The following IGFBP7 variants were observed in gnomAD, a reference collection of about 807,000 sequenced individuals.
The protein encoded by IGFBP7 is insulin like growth factor binding protein 7.
In IGFBP7, 31 loss-of-function variants were observed where a neutral mutation model predicts 29.4. That is an observed-to-expected ratio of 1.05 (90% CI 0.79 to 1.42). The LOEUF is 1.42. IGFBP7 is among the 40% of genes most tolerant of loss of function. The pLI, the probability that IGFBP7 is intolerant of heterozygous loss-of-function variation, is 0.00. For missense variants in IGFBP7, 393 were observed against 395.5 expected (o/e 0.99, Z 0.05); for synonymous variants, 172 against 174.9 (o/e 0.98, Z 0.13).
At chr4:57,044,184 T>C (rs1724302151) in intron 1 of IGFBP7, among the ~76,000 whole-genome samples, 1 of 152,176 alleles carries the variant, frequency 6.6e-6, no homozygotes, top group African/African-American at 2.4e-5. Flanking sequence ...CTACTTACTT[T>C]AACCTGTGTC....
chr4:57,067,790 A>G (rs1347364904), intron 1 of IGFBP7, among the ~76,000 whole-genome samples: 3 of 152,140 alleles, frequency 2.0e-5, no homozygotes, highest in African/African-American at 7.2e-5. Flanking sequence ...GACTTCTCCA[A>G]TAGACCACCG....
At position 57,032,570 on chromosome 4, in the gene IGFBP7, T is replaced by C. The variant is rs369841778; in HGVS notation, c.703-18A>G. ...GGAGATACCTGTGAAAGAAAAAAGATCTAGTATTCCTCTGTGGTGGTCTTC... is the reference window on the plus strand; with the variant it reads ...GGAGATACCTGTGAAAGAAAAAAGACCTAGTATTCCTCTGTGGTGGTCTTC... On this transcript the variant is annotated intron_variant, in intron 3 of 4. Transcript: ENST00000295666. 3.9e-5 allele frequency: 61 copies of C among 1,583,922 alleles called. No individual in the cohort carries two copies. The highest frequency in any genetic ancestry group is 5.3e-5 in the Non-Finnish European group (61 of 1,152,514).
chr4:57,045,003 C>T (rs566794751), intron 1 of IGFBP7, among the ~76,000 whole-genome samples: 1 of 152,264 alleles, frequency 6.6e-6, no homozygotes, highest in South Asian at 2.1e-4. Flanking sequence ...AGCAACAGTG[C>T]CCAGCCATGA....
At chr4:57,062,965 A>G (rs1039253519) in intron 1 of IGFBP7, among the ~76,000 whole-genome samples, 1 of 152,174 alleles carries the variant, frequency 6.6e-6, no homozygotes. Context: ...TCCAGAATAG[A>G]TAAGATCTGG....
Position 57,040,872 on chromosome 4 carries a change from C to T in IGFBP7, c.537G>A (p.Leu179=). The T allele has an allele frequency of 1.2e-6, 2 of 1,614,174 alleles. No individual in the cohort carries two copies. Among genetic ancestry groups the T allele is most frequent in the Non-Finnish European group, 1.7e-6 (2 of 1,180,008 alleles). The part of the protein sequence containing the change: ...IWNVTGAQVY[L]SCEVIGIPTP... Reference sequence around the variant, plus strand: ...TCGGGATTCCGATGACCTCACAGCTCAAGTACACCTGGGCACCAGTGACAT... The same window carrying T: ...TCGGGATTCCGATGACCTCACAGCTTAAGTACACCTGGGCACCAGTGACAT... The change falls in exon 2 of 5, where the codon TTG becomes TTA. Residue 179 remains leucine, a synonymous_variant. Coordinates refer to ENST00000295666, the MANE Select transcript of IGFBP7 (RefSeq NM_001553.3).
intron 1 of IGFBP7, among the ~76,000 whole-genome samples, chr4:57,084,385 T>G (rs1725444556): frequency 6.6e-6 from 1 of 152,156 alleles, no homozygotes; most frequent in South Asian, 2.1e-4. Context: ...TTTCTAAAAA[T>G]CATGAAGAAA....
rs1420384631 is a variant in IGFBP7, at chr4:57,110,224, A to AG, written c.127dup (p.Leu43ProfsTer55). The AG allele has an allele frequency of 7.3e-7, 1 of 1,377,516 alleles. No homozygotes were observed. Among genetic ancestry groups the AG allele is most frequent in the Non-Finnish European group, 9.3e-7 (1 of 1,070,238 alleles). 85.3% of individuals were successfully genotyped at this position (1,377,516 alleles called of 1,614,324 possible). Reference sequence around the variant, plus strand: ...GCCCAGCAGGCAGCCCAGCGGGGGCAGGGGCGGGCAGGAGGCCGGCTCGCA... The same window carrying AG: ...GCCCAGCAGGCAGCCCAGCGGGGGCAGGGGGCGGGCAGGAGGCCGGCTCGCA... On this transcript the variant is annotated frameshift_variant, in exon 1 of 5. Transcript: ENST00000295666. LOFTEE classifies it high-confidence loss of function.
intron 1 of IGFBP7, among the ~76,000 whole-genome samples, chr4:57,088,946 C>T (rs1019058235): frequency 4.0e-5 from 6 of 150,108 alleles, no homozygotes; most frequent in Middle Eastern, 6.9e-3. Flanking sequence ...GCAGGAGAAT[C>T]GCTCAAACCT....
chr4:57,069,600 G>C (rs933419756), intron 1 of IGFBP7, among the ~76,000 whole-genome samples: 1 of 152,056 alleles, frequency 6.6e-6, no homozygotes, highest in Non-Finnish European at 1.5e-5. Context: ...GGAGTTTGAG[G>C]CTTCAGTGAG....
At chr4:57,054,639 C>CAAAAAAAAAAAAAAAAAAAAAA (rs75161514) in intron 1 of IGFBP7, among the ~76,000 whole-genome samples, 12 of 27,816 alleles carry the variant, frequency 4.3e-4, no homozygotes, top group Non-Finnish European at 7.8e-4. Context: ...CTCTCTCTCA[C>CAAAAAAAAAAAAAAAAAAAAAA]AAAAAAAAAA....
At chr4:57,109,469 T>C (rs1480890753) in intron 1 of IGFBP7, among the ~76,000 whole-genome samples, 2 of 152,102 alleles carry the variant, frequency 1.3e-5, no homozygotes, top group African/African-American at 4.8e-5. Context: ...TTACTTTATA[T>C]TTAATTGTCA....
chr4:57,109,739 C>A, intron 1 of IGFBP7, 138 bp downstream of exon 1: 1 of 1,071,432 alleles, frequency 9.3e-7, no homozygotes, highest in South Asian at 1.8e-5. Context: ...AACTCTTTCC[C>A]TCCCATCTGG....
At chr4:57,096,730 C>G (rs6851308) in intron 1 of IGFBP7, among the ~76,000 whole-genome samples, 1 of 152,048 alleles carries the variant, frequency 6.6e-6, no homozygotes, top group Middle Eastern at 3.4e-3. Context: ...TTTCTTTACT[C>G]GTCAACACAC....
rs3755906 is a variant in IGFBP7, at chr4:57,040,820, A to T, written c.585+4T>A. 583,110 of 1,592,102 alleles carry T rather than the reference A, an allele frequency of 0.37. 109,621 individuals are homozygous for T. Among genetic ancestry groups the T allele is most frequent in the Middle Eastern group, 0.49 (2,923 of 5,938 alleles). ...GGATGTCTCTTAAAGTCTGTGCCAC[A>T]GACCTTGTTCCAGATGAGGACAGGT... On this transcript the variant is annotated splice_donor_region_variant and intron_variant, in intron 2 of 4. Coordinates refer to ENST00000295666, the MANE Select transcript of IGFBP7 (RefSeq NM_001553.3).
chr4:57,074,206 T>G (rs1714016), intron 1 of IGFBP7, among the ~76,000 whole-genome samples: 115,647 of 152,096 alleles, frequency 0.76, 44,252 homozygotes, highest in East Asian at 0.97. Flanking sequence ...GATTACAGGT[T>G]CGTGCCACCA....
chr4:57,071,941 GC>G, intron 1 of IGFBP7, among the ~76,000 whole-genome samples: 1 of 152,090 alleles, frequency 6.6e-6, no homozygotes, highest in Non-Finnish European at 1.5e-5. Flanking sequence ...TTCGAGACCA[GC>G]CTGGGAAACA....
intron 1 of IGFBP7, among the ~76,000 whole-genome samples, chr4:57,057,094 CT>C (rs1560496437): frequency 6.6e-6 from 1 of 152,166 alleles, no homozygotes; most frequent in Non-Finnish European, 1.5e-5. Context: ...CAGCTTCGTC[CT>C]TTAGGGCTCA....
intron 1 of IGFBP7, among the ~76,000 whole-genome samples, chr4:57,078,126 C>G (rs1725273694): frequency 6.6e-6 from 1 of 152,104 alleles, no homozygotes; most frequent in African/African-American, 2.4e-5. Context: ...ACCACCCACC[C>G]CACCCAACTG....
intron 1 of IGFBP7, among the ~76,000 whole-genome samples, chr4:57,053,217 A>G (rs1724556147): frequency 6.6e-6 from 1 of 152,038 alleles, no homozygotes; most frequent in African/African-American, 2.4e-5. Context: ...GAGTTTCACC[A>G]TGTTGATCAG....
Sources: gnomAD v4.1 joint callset for allele counts (sites outside exome capture counted in the v4.1 genomes callset) on GRCh38, gnomAD v4.1.1 for gene constraint, MANE v1.5 for transcripts, NCBI Gene and HGNC (gene_info 2026-07-23, HGNC 2026-07-21) for gene names.